The following DAG1 variants were observed in gnomAD, a reference collection of about 807,000 sequenced individuals.
The protein encoded by DAG1 is dystroglycan 1, also known as dystroglycan 1 (dystrophin-associated glycoprotein 1).
In DAG1, 8 loss-of-function variants were observed where a neutral mutation model predicts 46.1. The ratio of observed to expected loss-of-function variants is 0.17; its 90% CI spans 0.10 to 0.31. The LOEUF (loss-of-function observed/expected upper bound fraction) is 0.31. Among genes scored for constraint, DAG1 ranks in the 10% least tolerant of loss-of-function variants. The pLI, the probability that DAG1 is intolerant of heterozygous loss-of-function variation, is 1.00. For synonymous variants in DAG1, 495 were observed against 481.8 expected (o/e 1.03, Z -0.36); for missense variants, 1,003 against 1,189.9 (o/e 0.84, Z 2.31).
intron 2 of DAG1, among the ~76,000 whole-genome samples, chr3:49,516,671 G>A (rs2107714896): frequency 6.6e-6 from 1 of 152,322 alleles, no homozygotes; most frequent in South Asian, 2.1e-4. Flanking sequence ...GTTGGTTCCT[G>A]TATTCTTGTG....
chr3:49,533,512 G>C lies in DAG1; in HGVS notation c.*313G>C, dbSNP rs766068284. On this transcript the variant is annotated 3_prime_UTR_variant, in exon 3 of 3. Coordinates refer to ENST00000308775, the MANE Select transcript of DAG1 (RefSeq NM_004393.6). ...CATGTGGAGTGGAGGTGGAGGGAGCGAGGAACCATGAATGAACTCGCAGGC... is the reference window on the plus strand; with the variant it reads ...CATGTGGAGTGGAGGTGGAGGGAGCCAGGAACCATGAATGAACTCGCAGGC... 5 of 565,546 alleles carry C rather than the reference G, an allele frequency of 8.8e-6. No homozygotes were observed. Among genetic ancestry groups the C allele is most frequent in the Non-Finnish European group, 1.7e-5 (5 of 301,876 alleles). 35.0% of individuals were successfully genotyped at this position (565,546 alleles called of 1,614,324 possible). A position where few individuals can be genotyped will look rare whatever the true frequency, so the allele number is the denominator to read the frequency against.
chr3:49,512,825 AC>A (rs1468883220), intron 2 of DAG1, among the ~76,000 whole-genome samples: 6 of 151,572 alleles, frequency 4.0e-5, no homozygotes, highest in African/African-American at 7.3e-5. Flanking sequence ...AAAATTAGTT[AC>A]AAAAAATTTT....
intron 1 of DAG1, among the ~76,000 whole-genome samples, chr3:49,490,123 G>C (rs1442971602): frequency 6.6e-6 from 1 of 152,106 alleles, no homozygotes; most frequent in Non-Finnish European, 1.5e-5. Flanking sequence ...GGAGGCCGAG[G>C]CAGACGGATC....
intron 1 of DAG1, among the ~76,000 whole-genome samples, chr3:49,473,894 T>TC (rs1465516250): frequency 1.3e-5 from 2 of 150,014 alleles, no homozygotes; most frequent in Non-Finnish European, 3.0e-5. Flanking sequence ...TTTTTTTTTT[T>TC]TTCTTCTGAG....
chr3:49,474,057 T>C (rs1471680005), intron 1 of DAG1, among the ~76,000 whole-genome samples: 1 of 151,916 alleles, frequency 6.6e-6, no homozygotes, highest in Non-Finnish European at 1.5e-5. Context: ...CTGGCTAATA[T>C]ATGTATATAT....
At chr3:49,506,983 G>A (rs976626730) in intron 1 of DAG1, among the ~76,000 whole-genome samples, 6 of 151,176 alleles carry the variant, frequency 4.0e-5, no homozygotes, top group Admixed American at 1.3e-4. Flanking sequence ...AGAAAAATAA[G>A]TAAAAAGTTA....
At chr3:49,527,197 C>T (rs1050278696) in intron 2 of DAG1, among the ~76,000 whole-genome samples, 6 of 148,522 alleles carry the variant, frequency 4.0e-5, no homozygotes, top group East Asian at 2.0e-4. Context: ...TGAGACCATC[C>T]TGGCTAACAC....
At chr3:49,527,622 G>C (rs1328437610) in intron 2 of DAG1, among the ~76,000 whole-genome samples, 2 of 152,068 alleles carry the variant, frequency 1.3e-5, no homozygotes, top group African/African-American at 4.8e-5. Context: ...AGAATGGCGT[G>C]ATCCCGGGAG....
At chr3:49,484,241 G>A (rs1424016156) in intron 1 of DAG1, among the ~76,000 whole-genome samples, 1 of 152,116 alleles carries the variant, frequency 6.6e-6, no homozygotes, top group Non-Finnish European at 1.5e-5. Flanking sequence ...GTCTGAGGAT[G>A]TGCTTTTTCC....
At chr3:49,528,032 C>T (rs2051230594) in intron 2 of DAG1, among the ~76,000 whole-genome samples, 1 of 152,046 alleles carries the variant, frequency 6.6e-6, no homozygotes, top group Non-Finnish European at 1.5e-5. Flanking sequence ...AACCGGGGTC[C>T]ACACCCTAAT....
Position 49,510,541 on chromosome 3 carries a change from A to G in DAG1, c.7A>G (p.Met3Val). The G allele has an allele frequency of 6.2e-7, 1 of 1,613,060 alleles. No homozygotes were observed. The highest frequency in any genetic ancestry group is 8.5e-7 in the Non-Finnish European group (1 of 1,179,954). ...GAGCAAACTTGGACCTGGGATGAGG[A>G]TGTCTGTGGGCCTCTCGCTGCTGCT... MR[M>V]SVGLSLLLPL... Residue 3 changes from methionine (M) to valine (V), a missense_variant, in exon 2 of 3, where the codon ATG becomes GTG. This residue lies in a region of DAG1 where 196 missense variants were observed against 239.1 expected (regional missense o/e 0.82). Coordinates refer to ENST00000308775, the MANE Select transcript of DAG1 (RefSeq NM_004393.6).
intron 1 of DAG1, among the ~76,000 whole-genome samples, chr3:49,498,794 A>G (rs1007790304): frequency 1.3e-5 from 2 of 151,206 alleles, no homozygotes; most frequent in Non-Finnish European, 1.5e-5. Context: ...CTGCAATCTC[A>G]CCATCCTGGG....
At chr3:49,478,539 T>G (rs9852635) in intron 1 of DAG1, among the ~76,000 whole-genome samples, 2 of 118,454 alleles carry the variant, frequency 1.7e-5, no homozygotes, top group African/African-American at 5.4e-5. Flanking sequence ...TTTTTTTTTT[T>G]TTTTTTTTTT....
intron 2 of DAG1, among the ~76,000 whole-genome samples, chr3:49,520,883 C>T (rs528031527): frequency 6.6e-6 from 1 of 151,968 alleles, no homozygotes; most frequent in South Asian, 2.1e-4. Flanking sequence ...ATGGATAAGA[C>T]ATCATCTTGT....
At chr3:49,478,455 ATTAG>A (rs1481826432) in intron 1 of DAG1, among the ~76,000 whole-genome samples, 2 of 146,626 alleles carry the variant, frequency 1.4e-5, no homozygotes, top group South Asian at 2.2e-4. Context: ...AAAAAAAAAA[ATTAG>A]TTGAGTGTGG....
chr3:49,506,144 T>C (rs2107595782), intron 1 of DAG1, among the ~76,000 whole-genome samples: 1 of 152,044 alleles, frequency 6.6e-6, no homozygotes, highest in South Asian at 2.1e-4. Flanking sequence ...CACGCCTGGC[T>C]AATTTTTTGT....
At chr3:49,485,900 A>T (rs2107192658) in intron 1 of DAG1, among the ~76,000 whole-genome samples, 1 of 151,764 alleles carries the variant, frequency 6.6e-6, no homozygotes, top group Admixed American at 6.6e-5. Context: ...GCCTCAGGTG[A>T]TCCTCTCATC....
intron 1 of DAG1, among the ~76,000 whole-genome samples, chr3:49,482,003 G>A (rs573911905): frequency 2.2e-4 from 34 of 152,258 alleles, no homozygotes; most frequent in African/African-American, 7.7e-4. Flanking sequence ...CTAAATGTTA[G>A]AACAACTATT....
At chr3:49,470,080 G>A (rs1000049694), upstream of DAG1, 1 of 151,776 alleles carries the variant, frequency 6.6e-6, no homozygotes, top group Non-Finnish European at 1.5e-5. Context: ...GAGAGGTGCT[G>A]GCCGGGGCGG....
Sources: allele counts gnomAD v4.1 joint callset (sites outside exome capture counted in the v4.1 genomes callset), GRCh38; gene constraint gnomAD v4.1.1; regional missense constraint gnomAD v4.1.1; transcripts MANE v1.5; gene names NCBI Gene and HGNC (gene_info 2026-07-23, HGNC 2026-07-21).